PCNX1: variants seen among roughly 807,000 people sequenced by gnomAD.
PCNX1 encodes pecanex-like protein 1.
A neutral mutation model predicts 242.2 loss-of-function variants in PCNX1; 78 were observed. The ratio of observed to expected loss-of-function variants is 0.32; its 90% CI spans 0.27 to 0.39. The LOEUF (loss-of-function observed/expected upper bound fraction) is 0.39. Among genes scored for constraint, PCNX1 ranks in the 10% least tolerant of loss-of-function variants. The pLI, the probability that PCNX1 is intolerant of heterozygous loss-of-function variation, is 1.00. For synonymous variants in PCNX1, 1,024 were observed against 1,032.9 expected (o/e 0.99, Z 0.17); for missense variants, 2,581 against 2,856.5 (o/e 0.90, Z 2.20).
At chr14:70,930,990 A>G (rs1594926286) in intron 1 of PCNX1, among the ~76,000 whole-genome samples, 3 of 152,112 alleles carry the variant, frequency 2.0e-5, no homozygotes, top group Non-Finnish European at 4.4e-5. Flanking sequence ...CAGCTTATAT[A>G]TGGAAAACTG....
intron 22 of PCNX1, 69 bp downstream of exon 22, chr14:71,048,053 AT>A (rs2060914379): frequency 1.0e-5 from 11 of 1,092,748 alleles, no homozygotes; most frequent in Non-Finnish European, 1.3e-5. Flanking sequence ...GCTAGTCAGA[AT>A]TTTTCTTATA....
intron 8 of PCNX1, among the ~76,000 whole-genome samples, chr14:71,003,356 G>A (rs576561108): frequency 6.6e-6 from 1 of 152,068 alleles, no homozygotes; most frequent in African/African-American, 2.4e-5. Flanking sequence ...CCCCCAAAGC[G>A]CTGGGATTAC....
chr14:70,949,388 CAT>C (rs1406753923), intron 2 of PCNX1, among the ~76,000 whole-genome samples: 37 of 83,882 alleles, frequency 4.4e-4, no homozygotes, highest in Admixed American at 1.4e-3. Context: ...CGTGTATATA[CAT>C]ATGTGTGTGT....
chr14:70,949,126 ATG>A (rs1491266480), intron 2 of PCNX1, among the ~76,000 whole-genome samples: 4 of 130,750 alleles, frequency 3.1e-5, no homozygotes, highest in African/African-American at 7.8e-5. Flanking sequence ...ATGTGTATAT[ATG>A]TACATATACA....
intron 12 of PCNX1, among the ~76,000 whole-genome samples, chr14:71,020,557 G>C (rs1303460065): frequency 6.6e-6 from 1 of 151,968 alleles, no homozygotes; most frequent in Non-Finnish European, 1.5e-5. Context: ...TTTCATGTTT[G>C]TCGGCCACAT....
rs1309439831 is a variant in PCNX1 at position 70,907,826 on chromosome 14, G to A, written c.-25G>A. On this transcript the variant is annotated 5_prime_UTR_variant, in exon 1 of 36. Transcript: ENST00000304743. ...GGCGGGGACGGCGGCGGCGGCGGCGGCGACGGCGGCGGCGCCGGGTGGGGA... is the reference window on the plus strand; with the variant it reads ...GGCGGGGACGGCGGCGGCGGCGGCGACGACGGCGGCGGCGCCGGGTGGGGA... 7.2e-6 allele frequency: 9 copies of A among 1,254,130 alleles called. No homozygotes were observed. Among genetic ancestry groups the A allele is most frequent in the African/African-American group, 1.6e-5 (1 of 63,724 alleles). The allele number at this position is 1,254,130 out of a possible 1,614,324, so 77.7% of individuals were successfully genotyped here.
Position 70,941,835 on chromosome 14 carries a change from C to T in PCNX1, c.154-5080C>T, listed in dbSNP as rs1016752795. 3.3e-5 allele frequency among the ~76,000 whole-genome samples: 5 copies of T among 152,300 alleles called. No homozygotes were observed. The South Asian group carries it at 6.2e-4, about 19-fold the overall frequency. ...CTACTCAAACCTCAGCAATGGCGGA[C>T]GCCCCTCCCCCAGCCTCACTGCTGC... On this transcript the variant is annotated intron_variant, in intron 1 of 35. Coordinates refer to ENST00000304743, the MANE Select transcript of PCNX1 (RefSeq NM_014982.3).
chr14:71,028,558 A>G, intron 15 of PCNX1, 142 bp from the exon 16 acceptor site: 1 of 552,690 alleles, frequency 1.8e-6, no homozygotes, highest in Non-Finnish European at 3.1e-6. Context: ...GAAATAATGA[A>G]GTAACTGAAT....
intron 8 of PCNX1, among the ~76,000 whole-genome samples, chr14:71,005,075 A>G (rs2059614903): frequency 6.6e-6 from 1 of 152,336 alleles, no homozygotes; most frequent in East Asian, 1.9e-4. Flanking sequence ...GAAGAAAATT[A>G]TCCAAGAAAT....
chr14:70,959,409 G>GT (rs1162259065), intron 2 of PCNX1, among the ~76,000 whole-genome samples: 1 of 122,340 alleles, frequency 8.2e-6, no homozygotes, highest in Non-Finnish European at 1.6e-5. Flanking sequence ...TCCCCAGAGT[G>GT]TGATGTTCTC....
At chr14:71,028,423 C>T (rs992873379) in intron 15 of PCNX1, among the ~76,000 whole-genome samples, 1 of 151,754 alleles carries the variant, frequency 6.6e-6, no homozygotes, top group African/African-American at 2.4e-5. Context: ...ATTCTTGAAG[C>T]ATAATATAGA....
At chr14:71,109,642 C>A in intron 35 of PCNX1, 50 bp downstream of exon 35, 1 of 1,606,366 alleles carries the variant, frequency 6.2e-7, no homozygotes, top group Non-Finnish European at 8.5e-7. Flanking sequence ...TTTTTGAAGT[C>A]CGCCTCACTT....
intron 20 of PCNX1, 104 bp from the exon 21 acceptor site, chr14:71,046,860 A>G (rs1226957924): frequency 1.4e-5 from 11 of 795,552 alleles, no homozygotes; most frequent in Non-Finnish European, 1.9e-5. Flanking sequence ...AAAACAGTTT[A>G]TTTGTAGTTT....
In PCNX1 at chr14:71,026,109, A is replaced by T; in HGVS notation, c.3184-8A>T. The T allele has an allele frequency of 6.6e-7, 1 of 1,525,574 alleles. No homozygotes were observed. The highest frequency in any genetic ancestry group is 8.9e-7 in the Non-Finnish European group (1 of 1,128,928). The allele number at this position is 1,525,574 out of a possible 1,614,324, so 94.5% of individuals were successfully genotyped here. ...ACCAAACTGACTTTTAAAAAATATCATTTTCAGGGTCATAATCGTATCATT... is the reference window on the plus strand; with the variant it reads ...ACCAAACTGACTTTTAAAAAATATCTTTTTCAGGGTCATAATCGTATCATT... On this transcript the variant is annotated splice_polypyrimidine_tract_variant and splice_region_variant and intron_variant, in intron 13 of 35. Coordinates refer to ENST00000304743, the MANE Select transcript of PCNX1 (RefSeq NM_014982.3).
intron 1 of PCNX1, among the ~76,000 whole-genome samples, chr14:70,909,238 A>G (rs545709482): frequency 6.7e-6 from 1 of 150,022 alleles, no homozygotes; most frequent in Admixed American, 6.6e-5. Context: ...TTTCGTTGAA[A>G]TTGTTTTGAA....
At chr14:71,050,917 C>T (rs1216438678) in intron 23 of PCNX1, among the ~76,000 whole-genome samples, 157 bp downstream of exon 23, 1 of 152,036 alleles carries the variant, frequency 6.6e-6, no homozygotes, top group Non-Finnish European at 1.5e-5. Context: ...GCCTGTAATC[C>T]CAGCACTCTG....
intron 15 of PCNX1, among the ~76,000 whole-genome samples, chr14:71,028,291 G>C (rs1212484789): frequency 6.6e-6 from 1 of 151,752 alleles, no homozygotes; most frequent in Non-Finnish European, 1.5e-5. Flanking sequence ...TTTACTTCTG[G>C]GGGTAACACA....
intron 24 of PCNX1, 119 bp downstream of exon 24, chr14:71,052,131 G>T: frequency 2.7e-6 from 2 of 729,210 alleles, no homozygotes; most frequent in South Asian, 2.4e-5. Flanking sequence ...ATTTATTTTT[G>T]CTAAAACTTA....
At chr14:70,965,290 G>A (rs925184884) in intron 3 of PCNX1, 4 of 152,098 alleles carry the variant, frequency 2.6e-5, no homozygotes, top group African/African-American at 9.7e-5. Flanking sequence ...AGTGTGGGTT[G>A]GGGAGTGGGT....
Sources: gnomAD v4.1 joint callset for allele counts (sites outside exome capture counted in the v4.1 genomes callset) on GRCh38, gnomAD v4.1.1 for gene constraint, MANE v1.5 for transcripts, NCBI Gene and HGNC (gene_info 2026-07-23, HGNC 2026-07-21) for gene names.